The following SOHLH2 variants were observed in gnomAD, a reference collection of about 807,000 sequenced individuals.
The protein encoded by SOHLH2 is spermatogenesis and oogenesis specific basic helix-loop-helix 2, also known as spermatogenesis- and oogenesis-specific basic helix-loop-helix-containing protein 2.
In SOHLH2, 22 loss-of-function variants were observed where a neutral mutation model predicts 50.4. That is an observed-to-expected ratio of 0.44 (90% CI 0.31 to 0.62). SOHLH2 has a LOEUF of 0.62. Among genes scored for constraint, SOHLH2 ranks in the 20% least tolerant of loss-of-function variants. SOHLH2 has a pLI of 0.08. For missense variants in SOHLH2, 412 were observed against 504.4 expected (o/e 0.82, Z 1.76); for synonymous variants, 185 against 187.3 (o/e 0.99, Z 0.10).
chr13:36,211,724 G>A (rs906554333), intron 1 of SOHLH2, among the ~76,000 whole-genome samples: 1 of 152,220 alleles, frequency 6.6e-6, no homozygotes, highest in East Asian at 1.9e-4. Flanking sequence ...TGCTTACGTT[G>A]CAAGAATGTT....
At chr13:36,182,293 G>T (rs1593940797) in intron 6 of SOHLH2, 2 of 985,308 alleles carry the variant, frequency 2.0e-6, no homozygotes, top group East Asian at 1.1e-4. Context: ...TGAAATTTGG[G>T]TTAAAAAGAT....
chr13:36,201,813 T>G, intron 2 of SOHLH2, 66 bp downstream of exon 2: 1 of 1,581,882 alleles, frequency 6.3e-7, no homozygotes, highest in Admixed American at 1.8e-5. Flanking sequence ...TTTTTAGGAG[T>G]TTTTAAAAAA....
At position 36,189,962 on chromosome 13, in the gene SOHLH2, TG is replaced by T; in HGVS notation, c.624del (p.Ser208ArgfsTer5). 1 of 1,592,848 alleles carries T rather than the reference TG, an allele frequency of 6.3e-7. No homozygotes were observed. Among genetic ancestry groups the T allele is most frequent in the South Asian group, 1.1e-5 (1 of 86,960 alleles). On this transcript the variant is annotated frameshift_variant, in exon 6 of 11. Transcript: ENST00000379881. LOFTEE classifies it high-confidence loss of function. ...AAAATTCACCTTCTTAGTTTTTCCT[TG>T]CTTGAATGAAGAAGAGAGATCTTTT... The part of the protein sequence containing the change: ...KNKKISLLHS[S>X]KEKLRRERIK...
chr13:36,173,145 C>T (rs545716758), intron 9 of SOHLH2, among the ~76,000 whole-genome samples: 1 of 152,242 alleles, frequency 6.6e-6, no homozygotes, highest in African/African-American at 2.4e-5. Context: ...GTTCTAGGTA[C>T]TAGAAATACA....
chr13:36,198,220 T>G (rs1887791491), intron 2 of SOHLH2, among the ~76,000 whole-genome samples: 1 of 152,176 alleles, frequency 6.6e-6, no homozygotes, highest in Non-Finnish European at 1.5e-5. Context: ...TCTGAGCTCA[T>G]GAGAATCACA....
intron 6 of SOHLH2, among the ~76,000 whole-genome samples, chr13:36,183,499 T>C (rs1887316491): frequency 6.6e-6 from 1 of 152,210 alleles, no homozygotes; most frequent in Non-Finnish European, 1.5e-5. Flanking sequence ...TGCTAAAGTA[T>C]ACCTGATAAA....
chr13:36,206,276 T>C (rs1239818439), intron 1 of SOHLH2, among the ~76,000 whole-genome samples: 3 of 152,044 alleles, frequency 2.0e-5, no homozygotes, highest in African/African-American at 7.2e-5. Context: ...TTGTGGAAAG[T>C]TCTATTGGGC....
chr13:36,180,336 C>T (rs1887217372), intron 6 of SOHLH2, among the ~76,000 whole-genome samples: 1 of 152,164 alleles, frequency 6.6e-6, no homozygotes, highest in African/African-American at 2.4e-5. Flanking sequence ...CTTTGTCTTG[C>T]TTCCTAAGAT....
chr13:36,211,140 A>G (rs887725568), intron 1 of SOHLH2, among the ~76,000 whole-genome samples: 2 of 152,232 alleles, frequency 1.3e-5, no homozygotes, highest in African/African-American at 4.8e-5. Flanking sequence ...GAATGCCCAA[A>G]AATAACCTAT....
At chr13:36,210,966 G>T (rs1172113229) in intron 1 of SOHLH2, among the ~76,000 whole-genome samples, 1 of 152,166 alleles carries the variant, frequency 6.6e-6, no homozygotes. Context: ...ATGCCTGTGA[G>T]CGCAGATTGT....
chr13:36,214,493 G>A lies in SOHLH2; in HGVS notation c.34C>T (p.Gln12Ter), dbSNP rs1171303443. The A allele has an allele frequency of 3.1e-6, 5 of 1,613,012 alleles. No homozygotes were observed. The highest frequency in any genetic ancestry group is 3.4e-6 in the Non-Finnish European group (4 of 1,179,550). Residue 12 changes from glutamine to a stop codon, truncating the protein, a stop_gained, in exon 1 of 11, where the codon CAG becomes TAG. Transcript: ENST00000379881. LOFTEE classifies it high-confidence loss of function. ...CAGCCTCTTACCTGGCCCGAGATCT[G>A]GCAGTGCTCCTGGCAGATAATTGAG... ...ASSIICQEHC[Q>*]ISGQAKIDIL... is the part of the protein sequence containing the mutation.
At chr13:36,200,599 A>G (rs1228577415) in intron 2 of SOHLH2, among the ~76,000 whole-genome samples, 1 of 152,192 alleles carries the variant, frequency 6.6e-6, no homozygotes, top group Non-Finnish European at 1.5e-5. Flanking sequence ...ATATGTTCCA[A>G]TATAATTGAC....
At chr13:36,200,997 C>T (rs960504966) in intron 2 of SOHLH2, among the ~76,000 whole-genome samples, 12 of 135,490 alleles carry the variant, frequency 8.9e-5, no homozygotes, top group African/African-American at 1.4e-4. Context: ...TGCAGTGAGC[C>T]GAGATGGCGC....
At chr13:36,180,025 G>A (rs1887205054) in intron 6 of SOHLH2, among the ~76,000 whole-genome samples, 1 of 152,120 alleles carries the variant, frequency 6.6e-6, no homozygotes, top group Non-Finnish European at 1.5e-5. Flanking sequence ...AACCACCTGA[G>A]TGTTTTCTCT....
intron 9 of SOHLH2, among the ~76,000 whole-genome samples, chr13:36,172,005 C>T (rs979468945): frequency 2.6e-5 from 4 of 152,232 alleles, no homozygotes; most frequent in East Asian, 3.9e-4. Flanking sequence ...AGTAAAGGAT[C>T]GGCACTGGTT....
chr13:36,177,621 A>T (rs1887128174), intron 6 of SOHLH2, among the ~76,000 whole-genome samples: 1 of 152,096 alleles, frequency 6.6e-6, no homozygotes, highest in African/African-American at 2.4e-5. Context: ...GGGCATACAC[A>T]GTAGTATCCA....
In SOHLH2 at chr13:36,170,356, A is replaced by C. The variant is rs571785952; in HGVS notation, c.1257+175T>G. Among the ~76,000 whole-genome samples, 3 of 152,256 alleles carry C rather than the reference A, an allele frequency of 2.0e-5. No homozygotes were observed. In the East Asian group the frequency reaches 5.8e-4, roughly 29 times the overall value. On this transcript the variant is annotated intron_variant, in intron 10 of 10. Coordinates refer to ENST00000379881, the MANE Select transcript of SOHLH2 (RefSeq NM_017826.3). The stretch of plus-strand genomic sequence containing the variant: ...GAGACACCAGCCCTGCAGCATGAGG[A>C]GCGAGAGCATGGGTTGACTGCACCT...
At position 36,193,643 on chromosome 13, in the gene SOHLH2, C is replaced by A; in HGVS notation, c.408G>T (p.Trp136Cys). 6.2e-7 allele frequency: 1 copy of A among 1,609,522 alleles called. No homozygotes were observed. The highest frequency in any genetic ancestry group is 8.5e-7 in the Non-Finnish European group (1 of 1,178,992). Residue 136 changes from tryptophan to cysteine, a missense_variant, in exon 4 of 11, where the codon TGG becomes TGT. By Grantham distance (215) the Trp-to-Cys change is radical. Coordinates refer to ENST00000379881, the MANE Select transcript of SOHLH2 (RefSeq NM_017826.3). ...CACCAGTGTTTGAGGGACATGTTGT[C>A]CAGTATTTTACCACATTACTCATTT... ...MEKMSNVVKY[W>C]TTCPSNTVKT...
In SOHLH2 at chr13:36,188,906, C is replaced by A. The variant is rs568338407; in HGVS notation, c.641+1040G>T. Among the ~76,000 whole-genome samples the A allele has an allele frequency of 1.6e-3, 248 of 152,262 alleles. 1 individual carries two copies. Among genetic ancestry groups the A allele is most frequent in the Non-Finnish European group, 2.0e-3 (134 of 68,032 alleles). On this transcript the variant is annotated intron_variant, in intron 6 of 10. Coordinates refer to ENST00000379881, the MANE Select transcript of SOHLH2 (RefSeq NM_017826.3). ...CTGAGCCTGTATTTCTAAGCCTAGACCTTTCTCTAGAATCAAAGGGCCAAC... is the reference window on the plus strand; with the variant it reads ...CTGAGCCTGTATTTCTAAGCCTAGAACTTTCTCTAGAATCAAAGGGCCAAC...
Sources: allele counts gnomAD v4.1 joint callset (sites outside exome capture counted in the v4.1 genomes callset), GRCh38; gene constraint gnomAD v4.1.1; transcripts MANE v1.5; gene names NCBI Gene and HGNC (gene_info 2026-07-23, HGNC 2026-07-21).